The following RASGRF2 variants were observed in gnomAD, a reference collection of about 807,000 sequenced individuals.
The protein encoded by RASGRF2 is ras-specific guanine nucleotide-releasing factor 2.
In RASGRF2, 76 loss-of-function variants were observed where a neutral mutation model predicts 151.0. That is an observed-to-expected ratio of 0.50 (90% confidence interval 0.42 to 0.61). The LOEUF (loss-of-function observed/expected upper bound fraction) is 0.61. Among genes scored for constraint, RASGRF2 ranks in the 20% least tolerant of loss-of-function variants. The probability of loss-of-function intolerance (pLI) is 0.00; values close to 1 mark genes in which losing one functional copy is unlikely to be tolerated. For synonymous variants in RASGRF2, 504 were observed against 566.5 expected (o/e 0.89, Z 1.57); for missense variants, 1,148 against 1,564.6 (o/e 0.73, Z 4.49).
chr5:81,027,718 T>C (rs1750086099), intron 1 of RASGRF2, among the ~76,000 whole-genome samples: 3 of 152,222 alleles, frequency 2.0e-5, no homozygotes, highest in Non-Finnish European at 2.9e-5. Context: ...ATCTTGTCAG[T>C]CTAAAAGTGT....
chr5:81,127,222 G>A (rs559095678), intron 17 of RASGRF2, 59 bp downstream of exon 17: 88 of 1,493,416 alleles, frequency 5.9e-5, no homozygotes, highest in African/African-American at 8.3e-5. Context: ...TCAGTGGCCC[G>A]TGTCTGCCAG....
Position 81,092,817 on chromosome 5 carries a change from A to G in RASGRF2, c.1407A>G (p.Val469=), listed in dbSNP as rs1752428393. 6.2e-7 allele frequency: 1 copy of G among 1,612,940 alleles called. No individual in the cohort carries two copies. Reference sequence around the variant, plus strand: ...AATCACCAGGTTCTCTTATTCAAGTACCTTCCGTTGAGAGGGGGAAACTTA... The same window carrying G: ...AATCACCAGGTTCTCTTATTCAAGTGCCTTCCGTTGAGAGGGGGAAACTTA... ...TFIRQGSLIQ[V]PSVERGKLSK... Residue 469 remains valine, a synonymous_variant, in exon 10 of 27, where the codon GTA becomes GTG. Transcript: ENST00000265080.
intron 9 of RASGRF2, among the ~76,000 whole-genome samples, chr5:81,089,385 T>C (rs1752329802): frequency 6.6e-6 from 1 of 152,146 alleles, no homozygotes; most frequent in African/African-American, 2.4e-5. Context: ...GTTTCCACCT[T>C]ATGTGAATTT....
intron 9 of RASGRF2, chr5:81,087,571 AT>A (rs1443892675): frequency 1.8e-6 from 1 of 567,722 alleles, no homozygotes; most frequent in Middle Eastern, 4.4e-4. Context: ...AGAGTTGAAG[AT>A]ATTTGTGCCG....
chr5:81,195,847 TTCTCA>T (rs1217223560), intron 18 of RASGRF2, among the ~76,000 whole-genome samples: 1 of 152,210 alleles, frequency 6.6e-6, no homozygotes, highest in African/African-American at 2.4e-5. Flanking sequence ...TTCCCCATGC[TTCTCA>T]TCTCAGCCCA....
chr5:81,066,336 C>T (rs1389976525), intron 2 of RASGRF2, among the ~76,000 whole-genome samples: 2 of 151,840 alleles, frequency 1.3e-5, no homozygotes, highest in South Asian at 2.1e-4. Flanking sequence ...CCTAACAACA[C>T]GCACGATACA....
In RASGRF2 at chr5:81,080,767, T is replaced by G. The variant is rs755963103; in HGVS notation, c.1139T>G (p.Phe380Cys). The G allele has an allele frequency of 1.2e-6, 2 of 1,613,598 alleles. No individual in the cohort carries two copies. Among genetic ancestry groups the G allele is most frequent in the African/African-American group, 2.7e-5 (2 of 74,900 alleles). Residue 380 changes from phenylalanine (F) to cysteine (C), a missense_variant, in exon 7 of 27, where the codon TTC becomes TGC. Transcript: ENST00000265080. ...TGTGAGGGGAGGATGCTGGAGACAT[T>G]CTTGACCTATCCCATGTTTCAGGTA... ...PACEGRMLET[F>C]LTYPMFQIPR...
At chr5:81,112,566 GCCT>G in intron 13 of RASGRF2, 41 bp from the exon 14 acceptor site, 2 of 1,609,494 alleles carry the variant, frequency 1.2e-6, no homozygotes, top group Middle Eastern at 1.7e-4. Flanking sequence ...CGAGGGGGAA[GCCT>G]CCTCCTGGTT....
intron 12 of RASGRF2, among the ~76,000 whole-genome samples, chr5:81,098,624 G>A (rs1354404337): frequency 6.6e-6 from 1 of 152,182 alleles, no homozygotes. Context: ...CATGTCAACT[G>A]CTGCCAAAGG....
chr5:81,053,933 A>C (rs1170673990), intron 2 of RASGRF2, among the ~76,000 whole-genome samples: 1 of 152,206 alleles, frequency 6.6e-6, no homozygotes, highest in East Asian at 1.9e-4. Context: ...TCTTTTGAGA[A>C]GTGTCTGTTC....
At chr5:81,034,935 C>G (rs1750427307) in intron 1 of RASGRF2, among the ~76,000 whole-genome samples, 1 of 151,610 alleles carries the variant, frequency 6.6e-6, no homozygotes, top group Non-Finnish European at 1.5e-5. Flanking sequence ...TACCCTAAAA[C>G]TTAAAGTATA....
At position 81,212,758 on chromosome 5, in the gene RASGRF2, T is replaced by G. The variant is rs565098681; in HGVS notation, c.3354+195T>G. Among the ~76,000 whole-genome samples the G allele has an allele frequency of 3.7e-3, 570 of 152,350 alleles. 2 individuals are homozygous for G. The highest frequency in any genetic ancestry group is 0.01 in the Middle Eastern group (3 of 294). On this transcript the variant is annotated intron_variant, in intron 23 of 26. Transcript: ENST00000265080. ...TCATTCATGTGCATTTCTAAAACAT[T>G]CATTAAAGCATTTTGGGGGACAGCC... is the stretch of plus-strand genomic sequence containing the variant.
chr5:81,130,018 C>T (rs1243150989), intron 17 of RASGRF2, among the ~76,000 whole-genome samples: 1 of 152,124 alleles, frequency 6.6e-6, no homozygotes, highest in Non-Finnish European at 1.5e-5. Flanking sequence ...CATATTGGGC[C>T]AGAAGGAAAA....
chr5:81,184,141 C>T (rs1174375511), intron 18 of RASGRF2, among the ~76,000 whole-genome samples: 1 of 152,214 alleles, frequency 6.6e-6, no homozygotes, highest in Non-Finnish European at 1.5e-5. Flanking sequence ...TTTCCAAAGT[C>T]AGCCCAGACA....
intron 9 of RASGRF2, among the ~76,000 whole-genome samples, chr5:81,092,120 C>T (rs1271281811): frequency 1.3e-5 from 2 of 152,004 alleles, no homozygotes; most frequent in Non-Finnish European, 2.9e-5. Flanking sequence ...TATAGCTTCC[C>T]ACATTAAATG....
At chr5:81,039,752 G>A (rs1250739180) in intron 1 of RASGRF2, among the ~76,000 whole-genome samples, 1 of 103,812 alleles carries the variant, frequency 9.6e-6, no homozygotes, top group Non-Finnish European at 2.2e-5. Flanking sequence ...AAAACCACAT[G>A]ATTATATTTA....
intron 18 of RASGRF2, among the ~76,000 whole-genome samples, chr5:81,198,789 G>T (rs538353108): frequency 6.6e-6 from 1 of 152,258 alleles, no homozygotes; most frequent in African/African-American, 2.4e-5. Context: ...TATGTATACC[G>T]CATTTTCTTT....
intron 17 of RASGRF2, among the ~76,000 whole-genome samples, chr5:81,143,188 G>A (rs1019337315): frequency 6.6e-6 from 1 of 151,626 alleles, no homozygotes; most frequent in Non-Finnish European, 1.5e-5. Context: ...TCACTCTGTC[G>A]CACAGGCTAG....
At chr5:81,111,128 CTAAT>C (rs892086003) in intron 13 of RASGRF2, among the ~76,000 whole-genome samples, 2 of 152,200 alleles carry the variant, frequency 1.3e-5, no homozygotes, top group African/African-American at 4.8e-5. Context: ...GCTGAAAGGG[CTAAT>C]TAAAGGCATT....
Sources: gnomAD v4.1 joint callset for allele counts (sites outside exome capture counted in the v4.1 genomes callset) on GRCh38, gnomAD v4.1.1 for gene constraint, MANE v1.5 for transcripts, NCBI Gene and HGNC (gene_info 2026-07-23, HGNC 2026-07-21) for gene names.